ANK3: variants seen among roughly 807,000 people sequenced by gnomAD.
ANK3 encodes the protein ankyrin 3.
In ANK3, 57 loss-of-function variants were observed where a neutral mutation model predicts 370.9. That is an observed-to-expected ratio of 0.15 (90% confidence interval 0.12 to 0.19). ANK3 has a LOEUF of 0.19. ANK3 is among the 10% of genes least tolerant of loss of function. The pLI, the probability that ANK3 is intolerant of heterozygous loss-of-function variation, is 1.00. For missense variants in ANK3, 4,439 were observed against 5,302.1 expected, an observed-to-expected ratio of 0.84 and a Z score of 5.06; for synonymous variants, 1,929 against 1,946.3, an observed-to-expected ratio of 0.99 and a Z score of 0.23.
chr10:60,581,571 C>A (rs540851162), intron 2 of ANK3, among the ~76,000 whole-genome samples: 2 of 151,788 alleles, frequency 1.3e-5, no homozygotes, highest in South Asian at 2.1e-4. Flanking sequence ...ATTACAGGCA[C>A]CTGCCACCAT....
chr10:60,048,544 G>C (rs144224900), intron 42 of ANK3, among the ~76,000 whole-genome samples: 1 of 152,150 alleles, frequency 6.6e-6, no homozygotes, highest in Admixed American at 6.5e-5. Flanking sequence ...ATATAAAATG[G>C]TGCAGTATTT....
intron 2 of ANK3, among the ~76,000 whole-genome samples, chr10:60,456,256 C>G (rs991195255): frequency 2.0e-5 from 3 of 152,204 alleles, no homozygotes; most frequent in African/African-American, 7.2e-5. Context: ...TGCCAGCGCC[C>G]CCTTTGGGGA....
intron 2 of ANK3, among the ~76,000 whole-genome samples, chr10:60,402,717 C>A (rs1474841937): frequency 6.6e-6 from 1 of 152,196 alleles, no homozygotes; most frequent in Non-Finnish European, 1.5e-5. Flanking sequence ...CCTGGGTTAG[C>A]CTGGTAGATA....
At chr10:60,623,811 C>T (rs1475592328) in intron 1 of ANK3, among the ~76,000 whole-genome samples, 1 of 152,140 alleles carries the variant, frequency 6.6e-6, no homozygotes, top group Non-Finnish European at 1.5e-5. Flanking sequence ...GAAAAGAGTG[C>T]CTTTGTTCTC....
rs1297131533 is a variant in ANK3, at chr10:60,112,427, T to C, written c.2948+1798A>G. On this transcript the variant is annotated intron_variant, in intron 26 of 43. Coordinates refer to ENST00000280772, the MANE Select transcript of ANK3 (RefSeq NM_020987.5). Reference sequence around the variant, plus strand: ...TAAATTATATAAATATTTTTAGCAGTTTAAAATTATAATAATTCAAGGTTT... The same window carrying C: ...TAAATTATATAAATATTTTTAGCAGCTTAAAATTATAATAATTCAAGGTTT... Among the ~76,000 whole-genome samples the C allele has an allele frequency of 3.9e-5, 6 of 152,198 alleles. No homozygotes were observed. The East Asian group carries it at 1.2e-3, about 29-fold the overall frequency.
At chr10:60,567,934 A>G (rs939002932) in intron 2 of ANK3, among the ~76,000 whole-genome samples, 1 of 152,284 alleles carries the variant, frequency 6.6e-6, no homozygotes, top group East Asian at 1.9e-4. Context: ...TTGCAAGAGA[A>G]CTAGAAACCT....
At chr10:60,383,632 A>C (rs989646874) in intron 1 of ANK3, among the ~76,000 whole-genome samples, 1 of 152,148 alleles carries the variant, frequency 6.6e-6, no homozygotes, top group African/African-American at 2.4e-5. Flanking sequence ...ATGTAAACAC[A>C]TAATTATGGT....
intron 1 of ANK3, among the ~76,000 whole-genome samples, chr10:60,630,830 GT>G (rs1349217119): frequency 6.6e-6 from 1 of 152,166 alleles, no homozygotes; most frequent in Non-Finnish European, 1.5e-5. Flanking sequence ...GCTGGACCCT[GT>G]TTTTATGACT....
intron 1 of ANK3, among the ~76,000 whole-genome samples, chr10:60,630,975 T>G (rs567940336): frequency 6.6e-6 from 1 of 152,178 alleles, no homozygotes; most frequent in South Asian, 2.1e-4. Flanking sequence ...AGATCTACCC[T>G]GGAGGCAGAG....
intron 2 of ANK3, among the ~76,000 whole-genome samples, chr10:60,561,286 T>A (rs539548744): frequency 6.6e-6 from 1 of 152,282 alleles, no homozygotes; most frequent in African/African-American, 2.4e-5. Flanking sequence ...TTTGCAAAAA[T>A]TATCATGCAT....
intron 1 of ANK3, among the ~76,000 whole-genome samples, chr10:60,324,434 T>G (rs930909037): frequency 6.6e-6 from 1 of 152,178 alleles, no homozygotes; most frequent in Non-Finnish European, 1.5e-5. Flanking sequence ...ATTGCTCAAA[T>G]TATCTCATTT....
At chr10:60,201,729 T>G in intron 12 of ANK3, among the ~76,000 whole-genome samples, 1 of 100,422 alleles carries the variant, frequency 1.0e-5, no homozygotes, top group African/African-American at 3.8e-5. Flanking sequence ...TTTTTTTTTT[T>G]GAGACAGAGT....
At chr10:60,114,598 C>A (rs1398385634) in intron 25 of ANK3, among the ~76,000 whole-genome samples, 1 of 152,162 alleles carries the variant, frequency 6.6e-6, no homozygotes, top group Non-Finnish European at 1.5e-5. Context: ...TAACTAACTC[C>A]AACTATGATT....
chr10:60,073,761 CT>C lies in ANK3; in HGVS notation c.7119del (p.Asp2374IlefsTer39). ...GCATCGTGTTTTTCTGGCAGAAAAT[CT>C]TTTAGGTTAATATCTCCCCGGGATA... ...KDLSRGDINL[K>X]DFLPEKHDAF... On this transcript the variant is annotated frameshift_variant, in exon 37 of 44. Coordinates refer to ENST00000280772, the MANE Select transcript of ANK3 (RefSeq NM_020987.5). LOFTEE classifies it high-confidence loss of function. The C allele has an allele frequency of 6.2e-7, 1 of 1,613,804 alleles. No individual in the cohort carries two copies. Among genetic ancestry groups the C allele is most frequent in the Non-Finnish European group, 8.5e-7 (1 of 1,179,996 alleles).
At chr10:60,571,062 T>G (rs1050608088) in intron 2 of ANK3, among the ~76,000 whole-genome samples, 1 of 151,770 alleles carries the variant, frequency 6.6e-6, no homozygotes, top group Non-Finnish European at 1.5e-5. Context: ...CAGGTTTTTT[T>G]TTTTTTTTTT....
At chr10:60,402,944 T>C (rs988269568) in intron 2 of ANK3, among the ~76,000 whole-genome samples, 19 of 152,180 alleles carry the variant, frequency 1.2e-4, no homozygotes, top group Non-Finnish European at 2.4e-4. Flanking sequence ...TGGTTTGTTA[T>C]GCAGTGCAAG....
At chr10:60,058,456 A>G (rs1215916175) in intron 41 of ANK3, among the ~76,000 whole-genome samples, 1 of 152,242 alleles carries the variant, frequency 6.6e-6, no homozygotes, top group African/African-American at 2.4e-5. Context: ...AAAACTGTGT[A>G]TCTTTCAAAT....
rs558609381 is a variant in ANK3 at position 60,032,250 on chromosome 10, G to A, written c.*20-2424C>T. Among the ~76,000 whole-genome samples, 454 of 122,258 alleles carry A rather than the reference G, an allele frequency of 3.7e-3. 2 individuals carry two copies. The highest frequency in any genetic ancestry group is 0.014 in the Middle Eastern group (2 of 148). 80.2% of individuals were successfully genotyped at this position (122,258 alleles called of 152,430 possible). On this transcript the variant is annotated intron_variant, in intron 43 of 43. Coordinates refer to ENST00000280772, the MANE Select transcript of ANK3 (RefSeq NM_020987.5). ...GAAGTCTCACTCTGTCGCCCAGGCT[G>A]GAATGGAATGGAATGGCATGATCAC...
intron 23 of ANK3, among the ~76,000 whole-genome samples, chr10:60,161,133 A>G (rs946280088): frequency 3.3e-5 from 5 of 152,210 alleles, no homozygotes; most frequent in Non-Finnish European, 4.4e-5. Context: ...TCTTCTATTT[A>G]GAAAAACATA....
Sources: gnomAD v4.1 joint callset for allele counts (sites outside exome capture counted in the v4.1 genomes callset) on GRCh38, gnomAD v4.1.1 for gene constraint, MANE v1.5 for transcripts, NCBI Gene and HGNC (gene_info 2026-07-23, HGNC 2026-07-21) for gene names.